The following ARSB variants were observed in gnomAD, a reference collection of about 807,000 sequenced individuals.
ARSB encodes N-acetylgalactosamine-4-sulfatase.
ARSB carries 41 observed loss-of-function variants against 50.9 expected under a neutral mutation model. That is an observed-to-expected ratio of 0.81 (90% CI 0.63 to 1.04). The LOEUF (loss-of-function observed/expected upper bound fraction) is 1.04. Ranked by LOEUF, ARSB falls within the 50% of genes least tolerant of loss-of-function variation. ARSB has a pLI of 0.00. For missense variants in ARSB, 672 were observed against 693.3 expected, an observed-to-expected ratio of 0.97 and a Z score of 0.35; for synonymous variants, 269 against 284.8, an observed-to-expected ratio of 0.94 and a Z score of 0.56.
At chr5:78,897,989 C>T (rs1020536011) in intron 4 of ARSB, among the ~76,000 whole-genome samples, 6 of 152,010 alleles carry the variant, frequency 3.9e-5, no homozygotes, top group African/African-American at 1.5e-4. Context: ...CCCCACAGGC[C>T]GGGTGCGGTG....
intron 4 of ARSB, among the ~76,000 whole-genome samples, chr5:78,936,129 C>CT (rs56884992): frequency 0.18 from 16,307 of 88,862 alleles, 1,858 homozygotes; most frequent in East Asian, 0.42. Flanking sequence ...CTCTCTCTCT[C>CT]TTTTTTTTTT....
chr5:78,839,825 T>C (rs1381758172), intron 5 of ARSB, among the ~76,000 whole-genome samples: 1 of 152,192 alleles, frequency 6.6e-6, no homozygotes, highest in Non-Finnish European at 1.5e-5. Context: ...GTGGCACCAA[T>C]ATTACAGATG....
chr5:78,785,080 G>A (rs1749042671), intron 6 of ARSB, among the ~76,000 whole-genome samples: 1 of 152,170 alleles, frequency 6.6e-6, no homozygotes, highest in African/African-American at 2.4e-5. Flanking sequence ...TTACAGGCGT[G>A]AGTCACCGCA....
In ARSB at chr5:78,848,629, C is replaced by G. The variant is rs184875261; in HGVS notation, c.1143-9203G>C. 2.6e-5 allele frequency among the ~76,000 whole-genome samples: 4 copies of G among 151,914 alleles called. 1 individual carries two copies. The highest frequency in any genetic ancestry group is 2.6e-4 in the Admixed American group (4 of 15,286). ...GGTATTTCTAGTCTAGTTCTAGATC[C>G]CTGAGGAATCATCACACTGACTTCC... On this transcript the variant is annotated intron_variant, in intron 5 of 7. Coordinates refer to ENST00000264914, the MANE Select transcript of ARSB (RefSeq NM_000046.5).
At chr5:78,965,021 C>T (rs1226082850) in intron 2 of ARSB, among the ~76,000 whole-genome samples, 1 of 152,174 alleles carries the variant, frequency 6.6e-6, no homozygotes, top group African/African-American at 2.4e-5. Flanking sequence ...TTTGTTGTTA[C>T]TGATGTTGCG....
chr5:78,944,664 C>T (rs1283421525), intron 4 of ARSB, among the ~76,000 whole-genome samples: 1 of 152,182 alleles, frequency 6.6e-6, no homozygotes, highest in African/African-American at 2.4e-5. Flanking sequence ...GTTACCCGGC[C>T]ATGTGAGATG....
At position 78,985,184 on chromosome 5, in the gene ARSB, A is replaced by T; in HGVS notation, c.65T>A (p.Val22Asp). 1 of 1,416,622 alleles carries T rather than the reference A, an allele frequency of 7.1e-7. No individual in the cohort carries two copies. Among genetic ancestry groups the T allele is most frequent in the Non-Finnish European group, 9.2e-7 (1 of 1,086,320 alleles). 87.8% of individuals were successfully genotyped at this position (1,416,622 alleles called of 1,614,324 possible). The change falls in exon 1 of 8, where the codon GTC (valine) becomes GAC (aspartate). Residue 22 changes from valine to aspartate, a missense_variant. Transcript: ENST00000264914. The part of the protein sequence containing the change: ...GPGPRRLLLP[V>D]VLPLLLLLLL... ...CAGCAGCAGCAGCAGCGGGAGGACG[A>T]CGGGGAGGAGCAGCCGCCGAGGTCC... is the stretch of plus-strand genomic sequence containing the variant.
At position 78,985,064 on chromosome 5, in the gene ARSB, A is replaced by G. The variant is rs779228581; in HGVS notation, c.185T>C (p.Phe62Ser). ...ADDLGWNDVG[F>S]HGSRIRTPHL... ...CGGCGTGCGGATGCGGGAGCCGTGG[A>G]AGCCGACGTCGTTCCAGCCTAGGTC... The change falls in exon 1 of 8, where the codon TTC (phenylalanine) becomes TCC (serine). Residue 62 changes from phenylalanine (F) to serine (S), a missense_variant. Physicochemically the swap from Phe to Ser is radical, Grantham distance 155. Transcript: ENST00000264914. 1.3e-6 allele frequency: 2 copies of G among 1,543,734 alleles called. No homozygotes were observed. Among genetic ancestry groups the G allele is most frequent in the South Asian group, 2.4e-5 (2 of 83,554 alleles).
intron 1 of ARSB, among the ~76,000 whole-genome samples, chr5:78,980,084 G>C (rs1320855232): frequency 6.6e-6 from 1 of 152,184 alleles, no homozygotes; most frequent in Admixed American, 6.5e-5. Flanking sequence ...TGGTTTCCAA[G>C]GGCTGGTGGA....
At chr5:78,937,258 T>C (rs1211711756) in intron 4 of ARSB, among the ~76,000 whole-genome samples, 1 of 147,700 alleles carries the variant, frequency 6.8e-6, no homozygotes, top group Non-Finnish European at 1.5e-5. Context: ...AAGTTCGATA[T>C]ATATATATCT....
intron 4 of ARSB, among the ~76,000 whole-genome samples, chr5:78,941,867 C>T (rs1750948911): frequency 2.6e-5 from 4 of 152,130 alleles, no homozygotes; most frequent in Admixed American, 2.0e-4. Flanking sequence ...GTACCAGTTC[C>T]TCCTTGTACC....
At chr5:78,965,056 G>T (rs1446768389) in intron 2 of ARSB, among the ~76,000 whole-genome samples, 1 of 152,192 alleles carries the variant, frequency 6.6e-6, no homozygotes, top group African/African-American at 2.4e-5. Flanking sequence ...GTTATTTACA[G>T]AAGTGGTTCT....
At chr5:78,978,266 G>T (rs58263990) in intron 1 of ARSB, among the ~76,000 whole-genome samples, 2,700 of 151,004 alleles carry the variant, frequency 0.018, 81 homozygotes, top group African/African-American at 0.061. Context: ...TTGAACCCAT[G>T]AGGCAGAGGT....
At chr5:78,849,308 T>C (rs1323342131) in intron 5 of ARSB, among the ~76,000 whole-genome samples, 8 of 152,154 alleles carry the variant, frequency 5.3e-5, no homozygotes, top group Non-Finnish European at 1.5e-5. Context: ...CCCAGCACCA[T>C]TTATTAAATG....
chr5:78,782,529 C>T (rs67479954), intron 6 of ARSB, among the ~76,000 whole-genome samples: 22,153 of 152,020 alleles, frequency 0.15, 3,002 homozygotes, highest in African/African-American at 0.35. Flanking sequence ...GGGGTAAGAA[C>T]AAATTTGGTA....
chr5:78,984,898 CGGGGCGGGGGCGGCGCGG>C, intron 1 of ARSB, 21 bp downstream of exon 1: 1 of 1,271,614 alleles, frequency 7.9e-7, no homozygotes, highest in Non-Finnish European at 9.9e-7. Flanking sequence ...CGGCGAAAGG[CGGGGCGGGGGCGGCGCGG>C]GCGGCGGGGG....
chr5:78,903,547 G>A (rs2112281052), intron 4 of ARSB, among the ~76,000 whole-genome samples: 1 of 152,236 alleles, frequency 6.6e-6, no homozygotes, highest in African/African-American at 2.4e-5. Flanking sequence ...GAGTCAATGT[G>A]CTTCTCTTTC....
At chr5:78,810,411 G>T (rs144906457) in intron 6 of ARSB, among the ~76,000 whole-genome samples, 1 of 152,226 alleles carries the variant, frequency 6.6e-6, no homozygotes, top group Non-Finnish European at 1.5e-5. Context: ...GTTGGTGCCT[G>T]TGAGTTATTT....
intron 6 of ARSB, among the ~76,000 whole-genome samples, chr5:78,838,845 C>T (rs784585): frequency 0.11 from 15,747 of 142,126 alleles, 2,212 homozygotes; most frequent in African/African-American, 0.32. Flanking sequence ...CAGAATCAAG[C>T]GGAATCACTT....
Sources: allele counts gnomAD v4.1 joint callset (sites outside exome capture counted in the v4.1 genomes callset), GRCh38; gene constraint gnomAD v4.1.1; transcripts MANE v1.5; gene names NCBI Gene and HGNC (gene_info 2026-07-23, HGNC 2026-07-21).